Variants in ALDH1L2 observed in about 807,000 individuals in gnomAD.
The protein encoded by ALDH1L2 is aldehyde dehydrogenase 1 family member L2.
A neutral mutation model predicts 111.0 loss-of-function variants in ALDH1L2; 91 were observed. The observed-to-expected ratio is 0.82, with a 90% confidence interval of 0.69 to 0.98. ALDH1L2 has a LOEUF of 0.98. Ranked by LOEUF, ALDH1L2 falls within the 50% of genes least tolerant of loss-of-function variation. The pLI, the probability that ALDH1L2 is intolerant of heterozygous loss-of-function variation, is 0.00. For synonymous variants in ALDH1L2, 374 were observed against 392.6 expected (o/e 0.95, Z 0.56); for missense variants, 995 against 1,126.8 (o/e 0.88, Z 1.67).
chr12:105,066,453 G>T, intron 5 of ALDH1L2, 115 bp downstream of exon 5: 1 of 888,038 alleles, frequency 1.1e-6, no homozygotes, highest in Non-Finnish European at 1.8e-6. Flanking sequence ...TACTCTAACA[G>T]GTAGGGCTAG....
In ALDH1L2 at chr12:105,066,556, A is replaced by G; in HGVS notation, c.696+12T>C. ...AACTCTGAGACGTGTTATTGAGTTG[A>G]TATATAAATACCTCAGCATTTTCCT... On this transcript the variant is annotated intron_variant, in intron 5 of 22. Coordinates refer to ENST00000258494, the MANE Select transcript of ALDH1L2 (RefSeq NM_001034173.4). 1 of 1,607,536 alleles carries G rather than the reference A, an allele frequency of 6.2e-7. No individual in the cohort carries two copies. The highest frequency in any genetic ancestry group is 1.3e-5 in the African/African-American group (1 of 74,882).
chr12:105,065,039 T>C (rs937290447), intron 6 of ALDH1L2, among the ~76,000 whole-genome samples: 1 of 152,124 alleles, frequency 6.6e-6, no homozygotes, highest in African/African-American at 2.4e-5. Flanking sequence ...AGAATGTTTA[T>C]TCACTTCTCT....
intron 8 of ALDH1L2, 22 bp downstream of exon 8, chr12:105,061,605 A>G: frequency 6.2e-7 from 1 of 1,613,730 alleles, no homozygotes; most frequent in Non-Finnish European, 8.5e-7. Context: ...TAACAGTAAG[A>G]TTTAAGTCAT....
rs1360907753 is a variant in ALDH1L2, at chr12:105,084,425, C to A, written c.12G>T (p.Arg4=). ...AGAAGCGCCGGAGCGCCTGGCTGCC[C>A]CGCCGCAGCATGCTGGAGAGGAGCG... is the stretch of plus-strand genomic sequence containing the variant. MLR[R]GSQALRRFST... is the part of the protein sequence containing the mutation. The change falls in exon 1 of 23, where the codon CGG becomes CGT. Residue 4 remains arginine, a synonymous_variant. Coordinates refer to ENST00000258494, the MANE Select transcript of ALDH1L2 (RefSeq NM_001034173.4). 5 of 1,496,540 alleles carry A rather than the reference C, an allele frequency of 3.3e-6. No homozygotes were observed. The highest frequency in any genetic ancestry group is 4.4e-6 in the Non-Finnish European group (5 of 1,130,622). 92.7% of individuals were successfully genotyped at this position (1,496,540 alleles called of 1,614,324 possible).
At chr12:105,051,789 TC>T (rs1876282674) in intron 12 of ALDH1L2, among the ~76,000 whole-genome samples, 1 of 95,316 alleles carries the variant, frequency 1.0e-5, no homozygotes. Context: ...TTCTTTTTTT[TC>T]CTTTTTTTTT....
chr12:105,026,472 T>C, intron 22 of ALDH1L2, 73 bp downstream of exon 22: 2 of 1,553,460 alleles, frequency 1.3e-6, no homozygotes, highest in African/African-American at 2.7e-5. Context: ...CACACACAAG[T>C]CATGAAACAT....
intron 18 of ALDH1L2, among the ~76,000 whole-genome samples, chr12:105,037,896 C>T (rs898647770): frequency 2.0e-5 from 3 of 152,040 alleles, no homozygotes; most frequent in Non-Finnish European, 4.4e-5. Flanking sequence ...TCCCGGGTAG[C>T]TGGGACTACA....
chr12:105,050,074 A>G lies in ALDH1L2; in HGVS notation c.1536-16T>C. 6.4e-7 allele frequency: 1 copy of G among 1,567,796 alleles called. No individual in the cohort carries two copies. The highest frequency in any genetic ancestry group is 1.2e-5 in the South Asian group (1 of 84,284). On this transcript the variant is annotated splice_polypyrimidine_tract_variant and intron_variant, in intron 12 of 22. Transcript: ENST00000258494. The stretch of plus-strand genomic sequence containing the variant: ...GTCTGCAAGTCTGTGTGGTCAGTGA[A>G]AGAAATAAATTCAACAAGTATTGAT...
intron 1 of ALDH1L2, among the ~76,000 whole-genome samples, chr12:105,081,295 A>C (rs898734266): frequency 3.3e-5 from 5 of 152,226 alleles, no homozygotes; most frequent in Non-Finnish European, 7.3e-5. Context: ...TATAACAGAC[A>C]ATTAAATACA....
At chr12:105,024,617 T>G (rs182175129) in intron 22 of ALDH1L2, 138 bp from the exon 23 acceptor site, 34 of 806,152 alleles carry the variant, frequency 4.2e-5, no homozygotes, top group Non-Finnish European at 6.7e-5. Flanking sequence ...CTTCTCACAC[T>G]TTGAAGTTCA....
intron 8 of ALDH1L2, among the ~76,000 whole-genome samples, chr12:105,061,296 G>A (rs1338417014): frequency 6.6e-6 from 1 of 152,046 alleles, no homozygotes; most frequent in African/African-American, 2.4e-5. Flanking sequence ...CCTCCTCCAC[G>A]CCATTCTACA....
chr12:105,033,904 T>C (rs10861309), intron 19 of ALDH1L2, among the ~76,000 whole-genome samples: 34,424 of 152,030 alleles, frequency 0.23, 5,383 homozygotes, highest in East Asian at 0.5. Flanking sequence ...GAGTAAGGTA[T>C]CATAGCTCTT....
At position 105,021,548 on chromosome 12, in the gene ALDH1L2, C is replaced by T. The variant is rs11112312; in HGVS notation, c.*2876G>A. Reference sequence around the variant, plus strand: ...GCAGTGAGCCAAGATTGCACCACTGCACTGCAGCCTGGGCAACAAGAGCAA... The same window carrying T: ...GCAGTGAGCCAAGATTGCACCACTGTACTGCAGCCTGGGCAACAAGAGCAA... On this transcript the variant is annotated 3_prime_UTR_variant, in exon 23 of 23. Coordinates refer to ENST00000258494, the MANE Select transcript of ALDH1L2 (RefSeq NM_001034173.4). The T allele has an allele frequency of 0.074, 11,145 of 149,920 alleles. 459 individuals are homozygous for T. The highest frequency in any genetic ancestry group is 0.092 in the Middle Eastern group (27 of 294). The allele number at this position is 149,920 out of a possible 1,614,324, so 9.3% of individuals were successfully genotyped here.
In ALDH1L2 at chr12:105,034,312, A is replaced by G. The variant is rs747421241; in HGVS notation, c.2232T>C (p.Phe744=). 5 of 1,613,952 alleles carry G rather than the reference A, an allele frequency of 3.1e-6. No homozygotes were observed. In the South Asian group the frequency reaches 5.5e-5, roughly 18 times the overall value. The change falls in exon 19 of 23, where the codon TTT becomes TTC. Residue 744 remains phenylalanine (F), a synonymous_variant. Transcript: ENST00000258494. The part of the protein sequence containing the change: ...LFVEESIHDE[F]VTRVVEEIKK... The stretch of plus-strand genomic sequence containing the variant: ...GAAGGTGCCTCACCACTCTTGTCAC[A>G]AATTCGTCGTGGATGGATTCTTCCA...
intron 1 of ALDH1L2, among the ~76,000 whole-genome samples, chr12:105,079,891 T>C (rs1420862090): frequency 6.6e-6 from 1 of 152,196 alleles, no homozygotes; most frequent in Non-Finnish European, 1.5e-5. Flanking sequence ...ACAAAAAGTA[T>C]TGTTTTGTAT....
chr12:105,024,354 C>G lies in ALDH1L2; in HGVS notation c.*70G>C. ...GCTGACACCTCCTGCCTCAACACAC[C>G]CAATCTTCTTAAGTGTGTCCAGAGT... is the stretch of plus-strand genomic sequence containing the variant. On this transcript the variant is annotated 3_prime_UTR_variant, in exon 23 of 23. Coordinates refer to ENST00000258494, the MANE Select transcript of ALDH1L2 (RefSeq NM_001034173.4). 7 of 1,570,092 alleles carry G rather than the reference C, an allele frequency of 4.5e-6. No homozygotes were observed. Among genetic ancestry groups the G allele is most frequent in the Non-Finnish European group, 6.1e-6 (7 of 1,142,554 alleles).
chr12:105,052,029 GA>G, intron 12 of ALDH1L2, 60 bp downstream of exon 12: 1 of 1,382,164 alleles, frequency 7.2e-7, no homozygotes, highest in Non-Finnish European at 9.4e-7. Context: ...CCAACGTAGT[GA>G]ACCCCTGTCT....
At chr12:105,077,274 C>CTTT (rs201979000) in intron 1 of ALDH1L2, among the ~76,000 whole-genome samples, 10 of 142,524 alleles carry the variant, frequency 7.0e-5, no homozygotes, top group African/African-American at 2.3e-4. Context: ...TTTCTTTTTT[C>CTTT]TTTTTTTTTT....
rs1874193200 is a variant in ALDH1L2 at position 105,022,138 on chromosome 12, C to T, written c.*2286G>A. The T allele has an allele frequency of 1.3e-5, 2 of 152,194 alleles. No homozygotes were observed. 9.4% of individuals were successfully genotyped at this position (152,194 alleles called of 1,614,324 possible). A position where few individuals can be genotyped will look rare whatever the true frequency, so the allele number is the denominator to read the frequency against. On this transcript the variant is annotated 3_prime_UTR_variant, in exon 23 of 23. Coordinates refer to ENST00000258494, the MANE Select transcript of ALDH1L2 (RefSeq NM_001034173.4). Reference sequence around the variant, plus strand: ...TAGCAGGCTGGGGAGGGTGATGTTCCAATTCCAGTTCACTTGGTAACTTTA... The same window carrying T: ...TAGCAGGCTGGGGAGGGTGATGTTCTAATTCCAGTTCACTTGGTAACTTTA...
Sources: allele counts gnomAD v4.1 joint callset (sites outside exome capture counted in the v4.1 genomes callset), GRCh38; gene constraint gnomAD v4.1.1; transcripts MANE v1.5; gene names NCBI Gene and HGNC (gene_info 2026-07-23, HGNC 2026-07-21).